ADAMTS7: variants seen among roughly 807,000 people sequenced by gnomAD.
ADAMTS7 encodes ADAM metallopeptidase with thrombospondin type 1 motif 7.
A neutral mutation model predicts 172.6 loss-of-function variants in ADAMTS7; 89 were observed. The observed-to-expected ratio is 0.52, with a 90% CI of 0.43 to 0.61. The LOEUF (loss-of-function observed/expected upper bound fraction) is 0.61, where lower values mean the gene tolerates loss of function less well. Ranked by LOEUF, ADAMTS7 falls within the 20% of genes least tolerant of loss-of-function variation. The pLI, the probability that ADAMTS7 is intolerant of heterozygous loss-of-function variation, is 0.00. For synonymous variants in ADAMTS7, 885 were observed against 978.4 expected, an observed-to-expected ratio of 0.90 and a Z score of 1.78; for missense variants, 1,973 against 2,355.6, an observed-to-expected ratio of 0.84 and a Z score of 3.36.
chr15:78,777,435 C>T lies in ADAMTS7; in HGVS notation c.1467+9G>A, dbSNP rs1322184262. ...CCCACACCCCCACACCCACACCGGC[C>T]CCACTCACATCCATGTCCTCGCAGA... On this transcript the variant is annotated intron_variant, in intron 9 of 23. Transcript: ENST00000388820. The T allele has an allele frequency of 4.3e-6, 7 of 1,611,074 alleles. No homozygotes were observed. Among genetic ancestry groups the T allele is most frequent in the Non-Finnish European group, 5.9e-6 (7 of 1,179,120 alleles).
chr15:78,763,919 G>T lies in ADAMTS7; in HGVS notation c.4593+7C>A. On this transcript the variant is annotated splice_region_variant and intron_variant, in intron 21 of 23. Coordinates refer to ENST00000388820, the MANE Select transcript of ADAMTS7 (RefSeq NM_014272.5). ...CCCCTCCCCCCAACTCAACGGCCAG[G>T]CCTCACCTCCCTCCAGGAAGATGTG... 1 of 1,552,578 alleles carries T rather than the reference G, an allele frequency of 6.4e-7. No individual in the cohort carries two copies.
At chr15:78,760,270 G>A (rs536171876) in intron 23 of ADAMTS7, among the ~76,000 whole-genome samples, 3 of 152,322 alleles carry the variant, frequency 2.0e-5, no homozygotes, top group Admixed American at 6.5e-5. Context: ...CCTGCCCCGT[G>A]GTTATCAGAG....
intron 8 of ADAMTS7, among the ~76,000 whole-genome samples, chr15:78,786,892 T>C (rs1357792735): frequency 6.6e-6 from 1 of 152,118 alleles, no homozygotes. Flanking sequence ...CCTGAGATCA[T>C]CCCCTGCCTT....
Position 78,789,958 on chromosome 15 carries a change from G to C in ADAMTS7, c.1029-120C>G, listed in dbSNP as rs562603568. 5 of 1,383,992 alleles carry C rather than the reference G, an allele frequency of 3.6e-6. No homozygotes were observed. The Admixed American group carries it at 1.3e-4, about 35-fold the overall frequency. The allele number at this position is 1,383,992 out of a possible 1,614,324, so 85.7% of individuals were successfully genotyped here. A position where few individuals can be genotyped will look rare whatever the true frequency, so the allele number is the denominator to read the frequency against. On this transcript the variant is annotated intron_variant, in intron 6 of 23. Transcript: ENST00000388820. ...AAGCGAAAAGGATGTCTCTCCCACC[G>C]TTCTGTGACATGAGGCCAGCACGGT... is the stretch of plus-strand genomic sequence containing the variant.
chr15:78,799,614 C>A (rs1426300487), intron 2 of ADAMTS7, among the ~76,000 whole-genome samples: 1 of 150,338 alleles, frequency 6.7e-6, no homozygotes, highest in African/African-American at 2.4e-5. Context: ...TAACTGATGC[C>A]CCAAGGAAGA....
chr15:78,793,539 T>G (rs948948124), intron 4 of ADAMTS7, among the ~76,000 whole-genome samples: 2 of 152,170 alleles, frequency 1.3e-5, no homozygotes, highest in African/African-American at 2.4e-5. Flanking sequence ...GTTTTACTTT[T>G]TTTAACCCTG....
chr15:78,773,134 C>T lies in ADAMTS7; in HGVS notation c.2080G>A (p.Gly694Ser), dbSNP rs1445060935. ...CCGCTCACGGTGTGGCAGGTGGAGC[C>T]GTTGCCGTGGCACACACCACAGCGG... is the stretch of plus-strand genomic sequence containing the variant. ...EDRCGVCHGN[G>S]STCHTVSGTF... Residue 694 changes from glycine to serine, a missense_variant, in exon 14 of 24, where the codon GGC (glycine) becomes AGC (serine). Gly to Ser is a moderately conservative substitution (Grantham distance 56). This residue lies in a region of ADAMTS7 where 13 missense variants were observed against 43.9 expected (regional missense o/e 0.30). Transcript: ENST00000388820. The T allele has an allele frequency of 2.0e-6, 3 of 1,511,556 alleles. No homozygotes were observed. Among genetic ancestry groups the T allele is most frequent in the Middle Eastern group, 1.9e-4 (1 of 5,272 alleles). The allele number at this position is 1,511,556 out of a possible 1,614,324, so 93.6% of individuals were successfully genotyped here. A position where few individuals can be genotyped will look rare whatever the true frequency, so the allele number is the denominator to read the frequency against.
chr15:78,777,663 C>A (rs117851816), intron 8 of ADAMTS7, 75 bp from the exon 9 acceptor site: 5 of 1,537,188 alleles, frequency 3.3e-6, no homozygotes, highest in Non-Finnish European at 1.8e-6. Flanking sequence ...GGGGCCGGGA[C>A]AGGAGGAGAG....
intron 10 of ADAMTS7, 35 bp from the exon 11 acceptor site, chr15:78,776,368 C>A: frequency 6.3e-7 from 1 of 1,597,514 alleles, no homozygotes. Context: ...CCACCCCACC[C>A]CCAAGTCTAT....
Position 78,789,743 on chromosome 15 carries a change from T to C in ADAMTS7, c.1124A>G (p.Asn375Ser). ...GGCCAGCGGCAGGCCCGTGTCCTCG[T>C]TGATGCTGCAGCTGCGGTGCGGCTG... Reference protein sequence around the residue: ...MCQPHRSCSINEDTGLPLAFT... With the variant: ...MCQPHRSCSISEDTGLPLAFT... The change falls in exon 7 of 24, where the codon AAC (asparagine) becomes AGC (serine). Residue 375 changes from asparagine to serine, a missense_variant. Transcript: ENST00000388820. The C allele has an allele frequency of 1.2e-6, 2 of 1,612,934 alleles. No homozygotes were observed. The highest frequency in any genetic ancestry group is 1.7e-6 in the Non-Finnish European group (2 of 1,179,770).
chr15:78,800,468 G>T lies in ADAMTS7; in HGVS notation c.180C>A (p.Tyr60Ter). The T allele has an allele frequency of 6.2e-7, 1 of 1,610,790 alleles. No homozygotes were observed. The highest frequency in any genetic ancestry group is 1.1e-5 in the South Asian group (1 of 90,628). The part of the protein sequence containing the change: ...RVDAGGSFLS[Y>*]ELWPRALRKR... ...TGCGCAGTGCGCGGGGCCACAGCTC[G>T]TAGGACAGGAAGGAGCCCCCCGCGT... The change falls in exon 2 of 24, where the codon TAC (tyrosine) becomes TAA (stop). Residue 60 changes from tyrosine (Y) to a stop codon, truncating the protein, a stop_gained. Transcript: ENST00000388820. LOFTEE classifies it high-confidence loss of function.
intron 3 of ADAMTS7, among the ~76,000 whole-genome samples, chr15:78,797,550 T>C (rs1309885917): frequency 6.6e-5 from 10 of 151,664 alleles, no homozygotes; most frequent in Non-Finnish European, 1.3e-4. Flanking sequence ...GGGAGCAGGG[T>C]GGTGGTGGGA....
At position 78,777,476 on chromosome 15, in the gene ADAMTS7, C is replaced by G; in HGVS notation, c.1435G>C (p.Gly479Arg). The stretch of plus-strand genomic sequence containing the variant: ...TCCTCGCAGAAGGCAGAGTAGGCCC[C>G]GTACTGGAGGCGGCACTGGTGGCTT... Reference protein sequence around the residue: ...DVSHQCRLQYGAYSAFCEDMD... With the variant: ...DVSHQCRLQYRAYSAFCEDMD... The change falls in exon 9 of 24, where the codon GGG (glycine) becomes CGG (arginine). Residue 479 changes from glycine (G) to arginine (R), a missense_variant. Physicochemically the swap from Gly to Arg is moderately radical, Grantham distance 125 (BLOSUM62 -2). Transcript: ENST00000388820. The G allele has an allele frequency of 1.9e-6, 3 of 1,613,018 alleles. No individual in the cohort carries two copies. Among genetic ancestry groups the G allele is most frequent in the Non-Finnish European group, 2.5e-6 (3 of 1,179,626 alleles).
intron 1 of ADAMTS7, among the ~76,000 whole-genome samples, chr15:78,803,830 A>G (rs2141526598): frequency 6.6e-6 from 1 of 152,338 alleles, no homozygotes; most frequent in South Asian, 2.1e-4. Context: ...AGATAGAAAA[A>G]TATTTGGTTT....
At chr15:78,796,080 G>A (rs1401155484) in intron 4 of ADAMTS7, among the ~76,000 whole-genome samples, 2 of 152,162 alleles carry the variant, frequency 1.3e-5, no homozygotes, top group African/African-American at 4.8e-5. Context: ...GACTCAGAAG[G>A]GGCAAGTGAC....
intron 8 of ADAMTS7, among the ~76,000 whole-genome samples, chr15:78,783,024 C>G (rs2055452774): frequency 6.6e-6 from 1 of 152,138 alleles, no homozygotes; most frequent in Non-Finnish European, 1.5e-5. Context: ...GGGTAAGAAA[C>G]ACGCCAAGCT....
In ADAMTS7 at chr15:78,765,873, G is replaced by A; in HGVS notation, c.4038C>T (p.His1346=). ...CTGGGTTCAGGGCAGGCTCAGGCAT[G>A]TGCCCGAGGCCAGTCAGGGTTGTGG... ...FLPTTLTGLG[H]MPEPALNPGP... The change falls in exon 19 of 24, where the codon CAC becomes CAT. Residue 1346 remains histidine (H), a synonymous_variant. Coordinates refer to ENST00000388820, the MANE Select transcript of ADAMTS7 (RefSeq NM_014272.5). 1.9e-6 allele frequency: 3 copies of A among 1,569,512 alleles called. No homozygotes were observed. The highest frequency in any genetic ancestry group is 2.6e-6 in the Non-Finnish European group (3 of 1,157,706).
intron 19 of ADAMTS7, chr15:78,764,981 G>A (rs1457382290): frequency 8.2e-6 from 3 of 367,318 alleles, no homozygotes; most frequent in Non-Finnish European, 1.5e-5. Context: ...GGGGGGAGGG[G>A]ACCCTGTGGG....
intron 8 of ADAMTS7, among the ~76,000 whole-genome samples, chr15:78,787,151 G>A (rs978629568): frequency 2.3e-4 from 35 of 151,906 alleles, no homozygotes; most frequent in African/African-American, 7.7e-4. Context: ...AGCAGTTTTG[G>A]GCGAGTCGAA....
Sources: gnomAD v4.1 joint callset for allele counts (sites outside exome capture counted in the v4.1 genomes callset) on GRCh38, gnomAD v4.1.1 for gene constraint, gnomAD v4.1.1 regional missense constraint, MANE v1.5 for transcripts, NCBI Gene and HGNC (gene_info 2026-07-23, HGNC 2026-07-21) for gene names.